The following ZNF143 variants were observed in gnomAD, a reference collection of about 807,000 sequenced individuals.
The protein encoded by ZNF143 is SPH-binding factor.
In ZNF143, 49 loss-of-function variants were observed where a neutral mutation model predicts 74.1. The observed-to-expected ratio is 0.66, with a 90% CI of 0.53 to 0.84. The LOEUF is 0.84. Among genes scored for constraint, ZNF143 ranks in the 40% least tolerant of loss-of-function variants. The probability of loss-of-function intolerance (pLI) is 0.00; values close to 1 mark genes in which losing one functional copy is unlikely to be tolerated. For missense variants in ZNF143, 637 were observed against 793.4 expected (o/e 0.80, Z 2.37); for synonymous variants, 304 against 282.8 (o/e 1.07, Z -0.75).
At chr11:9,508,087 A>G (rs954178960) in intron 11 of ZNF143, among the ~76,000 whole-genome samples, 7 of 152,360 alleles carry the variant, frequency 4.6e-5, no homozygotes, top group African/African-American at 1.7e-4. Flanking sequence ...GCTTGCTATT[A>G]GTGAATACTC....
At position 9,501,203 on chromosome 11, in the gene ZNF143, A is replaced by G. The variant is rs762260458; in HGVS notation, c.1080A>G (p.Thr360=). The G allele has an allele frequency of 1.1e-5, 17 of 1,614,252 alleles. No homozygotes were observed. Among genetic ancestry groups the G allele is most frequent in the Non-Finnish European group, 1.4e-5 (17 of 1,180,048 alleles). ...CAGGAGAAAGACCTTATTACTGCACAGAGCCAGGATGTGGGAGGGCATTTG... is the reference window on the plus strand; with the variant it reads ...CAGGAGAAAGACCTTATTACTGCACGGAGCCAGGATGTGGGAGGGCATTTG... ...THTGERPYYC[T]EPGCGRAFAS... Residue 360 remains threonine, a synonymous_variant, in exon 11 of 16, where the codon ACA becomes ACG. Coordinates refer to ENST00000396602, the MANE Select transcript of ZNF143 (RefSeq NM_003442.6).
chr11:9,472,880 G>T, intron 3 of ZNF143, 111 bp downstream of exon 3: 2 of 542,544 alleles, frequency 3.7e-6, no homozygotes, highest in Non-Finnish European at 3.0e-6. Flanking sequence ...ATGCTGTATT[G>T]CATATGATGA....
At chr11:9,492,774 A>G (rs934135209) in intron 7 of ZNF143, among the ~76,000 whole-genome samples, 7 of 152,192 alleles carry the variant, frequency 4.6e-5, no homozygotes, top group Admixed American at 3.9e-4. Flanking sequence ...GAAGGCATAT[A>G]AGACACAGTT....
At chr11:9,511,253 A>G (rs1169191474) in intron 12 of ZNF143, among the ~76,000 whole-genome samples, 1 of 150,966 alleles carries the variant, frequency 6.6e-6, no homozygotes, top group South Asian at 2.1e-4. Flanking sequence ...CTGGTATTAC[A>G]GGCATGCTCC....
At chr11:9,463,834 C>A (rs983833754) in intron 1 of ZNF143, 7 of 152,108 alleles carry the variant, frequency 4.6e-5, no homozygotes, top group African/African-American at 1.7e-4. Context: ...AAATAAAAAA[C>A]CACTCCACCC....
intron 7 of ZNF143, among the ~76,000 whole-genome samples, chr11:9,487,977 G>A (rs753467326): frequency 6.6e-6 from 1 of 152,080 alleles, no homozygotes; most frequent in Non-Finnish European, 1.5e-5. Flanking sequence ...CATTATCCTA[G>A]GTTTGTTTTT....
intron 12 of ZNF143, among the ~76,000 whole-genome samples, chr11:9,511,898 C>T (rs1848563632): frequency 6.6e-6 from 1 of 151,638 alleles, no homozygotes; most frequent in Admixed American, 6.6e-5. Context: ...ACTACAGGCG[C>T]CCGCCACCAT....
rs543598568 is a variant in ZNF143 at position 9,465,933 on chromosome 11, T to C, written c.-8+4857T>C. Reference sequence around the variant, plus strand: ...TCTACCTCCCAGGCCCAAGTGATCCTCCCTTCTCCTCAGCCTCCCAAGTGG... The same window carrying C: ...TCTACCTCCCAGGCCCAAGTGATCCCCCCTTCTCCTCAGCCTCCCAAGTGG... On this transcript the variant is annotated intron_variant, in intron 1 of 15. Transcript: ENST00000396602. 2.6e-5 allele frequency among the ~76,000 whole-genome samples: 4 copies of C among 151,734 alleles called. No individual in the cohort carries two copies. The South Asian group carries it at 8.3e-4, about 32-fold the overall frequency.
chr11:9,473,803 C>G (rs764084129), intron 3 of ZNF143, 138 bp from the exon 4 acceptor site: 26 of 1,569,096 alleles, frequency 1.7e-5, no homozygotes, highest in Non-Finnish European at 2.2e-5. Context: ...ATTGAATTGC[C>G]TCAGAACATT....
At chr11:9,511,399 C>T (rs765613519) in intron 12 of ZNF143, among the ~76,000 whole-genome samples, 2 of 151,486 alleles carry the variant, frequency 1.3e-5, no homozygotes, top group Non-Finnish European at 2.9e-5. Context: ...TAGGTTCACA[C>T]CATTCTCCTG....
chr11:9,527,305 A>G (rs1160947722), intron 15 of ZNF143, among the ~76,000 whole-genome samples: 1 of 152,210 alleles, frequency 6.6e-6, no homozygotes, highest in Non-Finnish European at 1.5e-5. Flanking sequence ...CTGGCTGCAC[A>G]TAGGATTTGA....
intron 1 of ZNF143, chr11:9,461,528 G>T (rs1247251387): frequency 3.3e-5 from 5 of 152,142 alleles, no homozygotes; most frequent in East Asian, 1.9e-4. Flanking sequence ...GCCGCAGCGG[G>T]GGCGCCGGGG....
intron 12 of ZNF143, among the ~76,000 whole-genome samples, chr11:9,509,810 G>A (rs918381306): frequency 2.0e-5 from 3 of 152,172 alleles, no homozygotes; most frequent in African/African-American, 7.2e-5. Flanking sequence ...CCAGAACACT[G>A]TAAGTGTGCA....
chr11:9,493,357 A>C (rs1035936830), intron 7 of ZNF143, among the ~76,000 whole-genome samples: 2 of 152,172 alleles, frequency 1.3e-5, no homozygotes, highest in African/African-American at 4.8e-5. Flanking sequence ...GGTGTGAGCC[A>C]CTGCGCCTGG....
chr11:9,494,717 T>C lies in ZNF143; in HGVS notation c.717T>C (p.Cys239=). Residue 239 remains cysteine, a synonymous_variant, in exon 8 of 16, where the codon TGT becomes TGC. Transcript: ENST00000396602. ...AGAGTGGAGAGAAGGCATTTCGATG[T>C]GAATATGATGGATGTGGAAAATTAT... ...SQQSGEKAFR[C]EYDGCGKLYT... 6.2e-7 allele frequency: 1 copy of C among 1,613,572 alleles called. No homozygotes were observed. Among genetic ancestry groups the C allele is most frequent in the Non-Finnish European group, 8.5e-7 (1 of 1,179,468 alleles).
intron 1 of ZNF143, among the ~76,000 whole-genome samples, chr11:9,464,791 C>T (rs1312892312): frequency 2.6e-5 from 4 of 151,820 alleles, no homozygotes; most frequent in Admixed American, 6.6e-5. Flanking sequence ...GGCATGGTGG[C>T]GGGCACCTGT....
chr11:9,508,613 CT>C lies in ZNF143; in HGVS notation c.1148-3del. On this transcript the variant is annotated splice_region_variant and splice_polypyrimidine_tract_variant and intron_variant, in intron 11 of 15. Transcript: ENST00000396602. ...AGTTGAACTTTTTTTTGGTGTTGCT[CT>C]TTAGGAGAAAAGCCATATGTTTGTA... The C allele has an allele frequency of 6.2e-7, 1 of 1,607,364 alleles. No homozygotes were observed. The highest frequency in any genetic ancestry group is 8.5e-7 in the Non-Finnish European group (1 of 1,178,838).
intron 5 of ZNF143, among the ~76,000 whole-genome samples, chr11:9,477,486 A>C (rs1286055678): frequency 6.6e-6 from 1 of 151,956 alleles, no homozygotes; most frequent in African/African-American, 2.4e-5. Context: ...CAATCTCTTG[A>C]CCTTGTGATC....
Position 9,527,865 on chromosome 11 carries a change from CTT to C in ZNF143, c.*255_*256del, listed in dbSNP as rs1224450162. On this transcript the variant is annotated 3_prime_UTR_variant, in exon 16 of 16. Transcript: ENST00000396602. The stretch of plus-strand genomic sequence containing the variant: ...CAATACAGTAAATTTTCATGTTACT[CTT>C]TTATCAGATCACAAACTCCTAGAGT... The C allele has an allele frequency of 8.6e-6, 3 of 347,058 alleles. No homozygotes were observed. Among genetic ancestry groups the C allele is most frequent in the African/African-American group, 4.2e-5 (2 of 47,966 alleles). The allele number at this position is 347,058 out of a possible 1,614,324, so 21.5% of individuals were successfully genotyped here.
Sources: gnomAD v4.1 joint callset for allele counts (sites outside exome capture counted in the v4.1 genomes callset) on GRCh38, gnomAD v4.1.1 for gene constraint, MANE v1.5 for transcripts, NCBI Gene and HGNC (gene_info 2026-07-23, HGNC 2026-07-21) for gene names.